The following MBLAC2 variants were observed in gnomAD, a reference collection of about 807,000 sequenced individuals.
MBLAC2 encodes the protein acyl-coenzyme A thioesterase MBLAC2.
MBLAC2 carries 24 observed loss-of-function variants against 23.3 expected under a neutral mutation model. The observed-to-expected ratio is 1.03, with a 90% confidence interval of 0.75 to 1.45. The LOEUF is 1.45. MBLAC2 is among the 40% of genes most tolerant of loss of function. The pLI, the probability that MBLAC2 is intolerant of heterozygous loss-of-function variation, is 0.00. For missense variants in MBLAC2, 358 were observed against 370.0 expected (o/e 0.97, Z 0.27); for synonymous variants, 162 against 150.9 (o/e 1.07, Z -0.54).
Position 90,474,485 on chromosome 5 carries a change from C to G in MBLAC2, c.-193G>C. 1 of 594,550 alleles carries G rather than the reference C, an allele frequency of 1.7e-6. No homozygotes were observed. Among genetic ancestry groups the G allele is most frequent in the East Asian group, 2.9e-5 (1 of 34,784 alleles). 36.8% of individuals were successfully genotyped at this position (594,550 alleles called of 1,614,324 possible). A position where few individuals can be genotyped will look rare whatever the true frequency, so the allele number is the denominator to read the frequency against. The stretch of plus-strand genomic sequence containing the variant: ...GGACGCAGACCGACGCTGCCCGTAG[C>G]GTGCGCTCCCGCACCCTTCCGCCAG... On this transcript the variant is annotated 5_prime_UTR_variant, in exon 1 of 2. Transcript: ENST00000316610.
chr5:90,465,756 A>G (rs1451836312), intron 1 of MBLAC2, among the ~76,000 whole-genome samples: 1 of 152,168 alleles, frequency 6.6e-6, no homozygotes, highest in African/African-American at 2.4e-5. Flanking sequence ...TTCTAGAGAC[A>G]GGATCTCGCT....
chr5:90,459,353 T>C lies in MBLAC2; in HGVS notation c.*1814A>G, dbSNP rs1750317341. The C allele has an allele frequency of 6.6e-6, 1 of 152,254 alleles. No individual in the cohort carries two copies. Among genetic ancestry groups the C allele is most frequent in the Non-Finnish European group, 1.5e-5 (1 of 67,974 alleles). The allele number at this position is 152,254 out of a possible 1,614,324, so 9.4% of individuals were successfully genotyped here. A position where few individuals can be genotyped will look rare whatever the true frequency, so the allele number is the denominator to read the frequency against. Reference sequence around the variant, plus strand: ...TGTCTCCCATTAACAATGACTCATATACACAATCACAAATCAATTTTTCTC... The same window carrying C: ...TGTCTCCCATTAACAATGACTCATACACACAATCACAAATCAATTTTTCTC... On this transcript the variant is annotated 3_prime_UTR_variant, in exon 2 of 2. Coordinates refer to ENST00000316610, the MANE Select transcript of MBLAC2 (RefSeq NM_203406.2).
Position 90,474,318 on chromosome 5 carries a change from G to T in MBLAC2, c.-26C>A. 1 of 1,603,148 alleles carries T rather than the reference G, an allele frequency of 6.2e-7. No individual in the cohort carries two copies. Among genetic ancestry groups the T allele is most frequent in the South Asian group, 1.1e-5 (1 of 89,990 alleles). Reference sequence around the variant, plus strand: ...GCTGGGCAGGGGTGCAGCCAGGCGGGGTGAGTGTGGGCGTGCGAGTCTCCC... The same window carrying T: ...GCTGGGCAGGGGTGCAGCCAGGCGGTGTGAGTGTGGGCGTGCGAGTCTCCC... On this transcript the variant is annotated 5_prime_UTR_variant, in exon 1 of 2. Transcript: ENST00000316610.
intron 1 of MBLAC2, chr5:90,472,717 A>G (rs1368175212): frequency 1.3e-5 from 2 of 152,174 alleles, no homozygotes; most frequent in African/African-American, 2.4e-5. Flanking sequence ...AATTAAAATG[A>G]TCTCACGCTA....
At chr5:90,461,940 T>C (rs1750375176) in intron 1 of MBLAC2, among the ~76,000 whole-genome samples, 1 of 152,234 alleles carries the variant, frequency 6.6e-6, no homozygotes, top group Admixed American at 6.5e-5. Flanking sequence ...GTAGATATAG[T>C]TGTACAATTT....
chr5:90,467,521 T>A (rs1041838950), intron 1 of MBLAC2, among the ~76,000 whole-genome samples: 1 of 152,216 alleles, frequency 6.6e-6, no homozygotes, highest in Non-Finnish European at 1.5e-5. Context: ...TCCATATGCA[T>A]GGAAAATCTT....
At chr5:90,470,785 C>CACACACACACACACAA (rs3220210) in intron 1 of MBLAC2, among the ~76,000 whole-genome samples, 1,895 of 147,940 alleles carry the variant, frequency 0.013, 27 homozygotes, top group East Asian at 0.022. Context: ...CACACACACA[C>CACACACACACACACAA]GCTTTCTTTC....
In MBLAC2 at chr5:90,474,306, G is replaced by A; in HGVS notation, c.-14C>T. 3 of 1,609,834 alleles carry A rather than the reference G, an allele frequency of 1.9e-6. No individual in the cohort carries two copies. Among genetic ancestry groups the A allele is most frequent in the Non-Finnish European group, 2.5e-6 (3 of 1,177,750 alleles). ...GAGCGCCGACATGCTGGGCAGGGGT[G>A]CAGCCAGGCGGGGTGAGTGTGGGCG... On this transcript the variant is annotated 5_prime_UTR_variant, in exon 1 of 2. Transcript: ENST00000316610.
intron 1 of MBLAC2, among the ~76,000 whole-genome samples, chr5:90,467,745 TG>T (rs1013371884): frequency 2.3e-4 from 20 of 87,810 alleles, no homozygotes; most frequent in South Asian, 4.5e-4. Flanking sequence ...CTTCTTTTTT[TG>T]GGGGGGGCGG....
intron 1 of MBLAC2, chr5:90,472,974 G>T (rs911607347): frequency 4.6e-5 from 7 of 152,178 alleles, no homozygotes; most frequent in African/African-American, 1.7e-4. Context: ...AAATATTGCT[G>T]ATGTGGCGAA....
intron 1 of MBLAC2, among the ~76,000 whole-genome samples, chr5:90,465,739 A>G (rs1750436197): frequency 6.6e-6 from 1 of 152,102 alleles, no homozygotes; most frequent in Non-Finnish European, 1.5e-5. Flanking sequence ...GCTAACTTAA[A>G]AACTTTTTCT....
intron 1 of MBLAC2, chr5:90,472,719 C>A (rs981305005): frequency 2.0e-5 from 3 of 152,062 alleles, no homozygotes; most frequent in Non-Finnish European, 4.4e-5. Flanking sequence ...TTAAAATGAT[C>A]TCACGCTAAA....
chr5:90,474,349 CT>C lies in MBLAC2; in HGVS notation c.-58del. 6.7e-7 allele frequency: 1 copy of C among 1,498,822 alleles called. No homozygotes were observed. Among genetic ancestry groups the C allele is most frequent in the Non-Finnish European group, 9.2e-7 (1 of 1,084,396 alleles). 92.8% of individuals were successfully genotyped at this position (1,498,822 alleles called of 1,614,324 possible). A position where few individuals can be genotyped will look rare whatever the true frequency, so the allele number is the denominator to read the frequency against. ...TGTGGGCGTGCGAGTCTCCCACAGG[CT>C]GTCCACACACAGGGCACTGCGGCTG... On this transcript the variant is annotated 5_prime_UTR_variant, in exon 1 of 2. Coordinates refer to ENST00000316610, the MANE Select transcript of MBLAC2 (RefSeq NM_203406.2).
At position 90,461,233 on chromosome 5, in the gene MBLAC2, A is replaced by G; in HGVS notation, c.774T>C (p.Ser258=). 6.2e-7 allele frequency: 1 copy of G among 1,613,986 alleles called. No homozygotes were observed. Among genetic ancestry groups the G allele is most frequent in the Non-Finnish European group, 8.5e-7 (1 of 1,179,938 alleles). Residue 258 remains serine (S), a synonymous_variant, in exon 2 of 2, where the codon TCT becomes TCC. Coordinates refer to ENST00000316610, the MANE Select transcript of MBLAC2 (RefSeq NM_203406.2). ...ISKAGICHKV[S]TFAMRSLASL... ...TTGCAAGAGATCGCATGGCAAAAGT[A>G]GAAACTTTGTGACATATCCCAGCTT...
At chr5:90,470,223 A>G (rs1160482005) in intron 1 of MBLAC2, among the ~76,000 whole-genome samples, 1 of 152,114 alleles carries the variant, frequency 6.6e-6, no homozygotes, top group Non-Finnish European at 1.5e-5. Context: ...GGGGGAAGGG[A>G]ATGAAGAGAT....
intron 1 of MBLAC2, among the ~76,000 whole-genome samples, chr5:90,467,094 T>C (rs1405734360): frequency 6.6e-6 from 1 of 152,184 alleles, no homozygotes; most frequent in African/African-American, 2.4e-5. Context: ...ATTGCACCAT[T>C]GCACTTCAGC....
chr5:90,466,170 C>T (rs1421929120), intron 1 of MBLAC2, among the ~76,000 whole-genome samples: 1 of 152,170 alleles, frequency 6.6e-6, no homozygotes, highest in African/African-American at 2.4e-5. Context: ...ACTAAATAGA[C>T]ATAATCGATA....
chr5:90,472,995 T>TA (rs1332693378), intron 1 of MBLAC2: 1 of 152,156 alleles, frequency 6.6e-6, no homozygotes, highest in African/African-American at 2.4e-5. Flanking sequence ...TTAGCTCAAT[T>TA]ATTTAAGTCC....
In MBLAC2 at chr5:90,458,785, A is replaced by G. The variant is rs944632418; in HGVS notation, c.*2382T>C. 5 of 152,204 alleles carry G rather than the reference A, an allele frequency of 3.3e-5. No homozygotes were observed. Among genetic ancestry groups the G allele is most frequent in the African/African-American group, 1.2e-4 (5 of 41,456 alleles). 9.4% of individuals were successfully genotyped at this position (152,204 alleles called of 1,614,324 possible). A position where few individuals can be genotyped will look rare whatever the true frequency, so the allele number is the denominator to read the frequency against. On this transcript the variant is annotated 3_prime_UTR_variant, in exon 2 of 2. Transcript: ENST00000316610. Reference sequence around the variant, plus strand: ...CTTTTGGTGCTGGGAGTAAGATTAAATTAAATAATGCATATTTTAAATGTA... The same window carrying G: ...CTTTTGGTGCTGGGAGTAAGATTAAGTTAAATAATGCATATTTTAAATGTA...
Sources: gnomAD v4.1 joint callset for allele counts (sites outside exome capture counted in the v4.1 genomes callset) on GRCh38, gnomAD v4.1.1 for gene constraint, MANE v1.5 for transcripts, NCBI Gene and HGNC (gene_info 2026-07-23, HGNC 2026-07-21) for gene names.